The following TCF12 variants were observed in gnomAD, a reference collection of about 807,000 sequenced individuals.
TCF12 encodes the protein transcription factor 12.
TCF12 carries 45 observed loss-of-function variants against 86.0 expected under a neutral mutation model. The observed-to-expected ratio is 0.52, with a 90% CI of 0.41 to 0.67. The LOEUF (loss-of-function observed/expected upper bound fraction) is 0.67, where lower values mean the gene tolerates loss of function less well. TCF12 is among the 30% of genes least tolerant of loss of function. The probability of loss-of-function intolerance (pLI) is 0.00; values close to 1 mark genes in which losing one functional copy is unlikely to be tolerated. For synonymous variants in TCF12, 330 were observed against 299.6 expected, an observed-to-expected ratio of 1.10 and a Z score of -1.05; for missense variants, 881 against 859.9, an observed-to-expected ratio of 1.02 and a Z score of -0.31.
At chr15:56,984,828 T>A (rs1397507308) in intron 3 of TCF12, among the ~76,000 whole-genome samples, 1 of 152,188 alleles carries the variant, frequency 6.6e-6, no homozygotes, top group African/African-American at 2.4e-5. Flanking sequence ...CACCCTACCA[T>A]TATGAAAAGT....
chr15:57,165,186 T>G (rs2054797182), intron 5 of TCF12, among the ~76,000 whole-genome samples: 1 of 151,776 alleles, frequency 6.6e-6, no homozygotes, highest in African/African-American at 2.4e-5. Flanking sequence ...TGTGCAAGGA[T>G]ATTTGTTTCA....
intron 8 of TCF12, among the ~76,000 whole-genome samples, chr15:57,215,804 T>C (rs1178831371): frequency 6.6e-6 from 1 of 152,168 alleles, no homozygotes; most frequent in African/African-American, 2.4e-5. Context: ...ATAACTGTTG[T>C]AGTGATCCAA....
At chr15:57,165,947 A>C (rs1289223437) in intron 5 of TCF12, among the ~76,000 whole-genome samples, 2 of 152,148 alleles carry the variant, frequency 1.3e-5, no homozygotes, top group African/African-American at 4.8e-5. Flanking sequence ...TGGCTATATA[A>C]ATGTCTTTCA....
rs529604861 is a variant in TCF12, at chr15:57,179,796, C to G, written c.391-12362C>G. 1.3e-3 allele frequency among the ~76,000 whole-genome samples: 191 copies of G among 152,018 alleles called. 1 individual carries two copies. The highest frequency in any genetic ancestry group is 4.3e-3 in the African/African-American group (179 of 41,456). On this transcript the variant is annotated intron_variant, in intron 6 of 20. Coordinates refer to ENST00000333725, the MANE Select transcript of TCF12 (RefSeq NM_207037.2). The stretch of plus-strand genomic sequence containing the variant: ...TTTCACTTTGTTTTTCTGTTTCCCC[C>G]CTTCTTCCTCCCCCAAATTAATATA...
rs909982445 is a variant in TCF12 at position 57,098,023 on chromosome 15, A to C, written c.325+6132A>C. Among the ~76,000 whole-genome samples, 41 of 149,586 alleles carry C rather than the reference A, an allele frequency of 2.7e-4. 1 individual carries two copies. Among genetic ancestry groups the C allele is most frequent in the African/African-American group, 5.1e-4 (21 of 41,090 alleles). On this transcript the variant is annotated intron_variant, in intron 5 of 20. Coordinates refer to ENST00000333725, the MANE Select transcript of TCF12 (RefSeq NM_207037.2). ...ATACAAAAATACAAAAAAAAAAAAA[A>C]AAAAAAAAAAAACCAGTCAGGCATG...
chr15:57,245,493 C>T (rs1004274893), intron 13 of TCF12, among the ~76,000 whole-genome samples: 28 of 152,140 alleles, frequency 1.8e-4, no homozygotes, highest in African/African-American at 6.3e-4. Flanking sequence ...CTTTCTCATC[C>T]GAGGTTTCCA....
At chr15:56,947,668 A>C (rs1416961741) in intron 3 of TCF12, among the ~76,000 whole-genome samples, 1 of 152,156 alleles carries the variant, frequency 6.6e-6, no homozygotes, top group Non-Finnish European at 1.5e-5. Flanking sequence ...TAGAAGGTTT[A>C]TCTAGTCCCA....
intron 5 of TCF12, among the ~76,000 whole-genome samples, chr15:57,151,352 T>C (rs2053744372): frequency 9.6e-6 from 1 of 103,674 alleles, no homozygotes; most frequent in African/African-American, 3.4e-5. Context: ...TGATATTAAC[T>C]GCAGCTTATT....
chr15:56,993,163 CAG>C (rs1330817463), intron 3 of TCF12, among the ~76,000 whole-genome samples: 6 of 151,978 alleles, frequency 3.9e-5, no homozygotes, highest in Non-Finnish European at 8.8e-5. Context: ...CAATCTGAAA[CAG>C]AAAGCTCTAA....
intron 20 of TCF12, among the ~76,000 whole-genome samples, chr15:57,284,802 C>T (rs547102181): frequency 6.6e-6 from 1 of 152,222 alleles, no homozygotes; most frequent in Non-Finnish European, 1.5e-5. Context: ...ATTCTCATCT[C>T]GTTTCCTTCT....
At chr15:57,184,902 T>C (rs2056576283) in intron 6 of TCF12, among the ~76,000 whole-genome samples, 1 of 152,154 alleles carries the variant, frequency 6.6e-6, no homozygotes, top group Non-Finnish European at 1.5e-5. Flanking sequence ...AATACATATA[T>C]GCCTATTGTT....
At chr15:57,150,566 G>C (rs1479479736) in intron 5 of TCF12, among the ~76,000 whole-genome samples, 1 of 151,884 alleles carries the variant, frequency 6.6e-6, no homozygotes, top group Non-Finnish European at 1.5e-5. Context: ...GCAAAATCTA[G>C]CACCCAAAAA....
At chr15:56,937,741 G>T (rs1294550925) in intron 3 of TCF12, among the ~76,000 whole-genome samples, 1 of 151,896 alleles carries the variant, frequency 6.6e-6, no homozygotes, top group African/African-American at 2.4e-5. Flanking sequence ...TTTTGCTGAG[G>T]ATTTTAATCA....
intron 14 of TCF12, 21 bp from the exon 15 acceptor site, chr15:57,252,400 G>C (rs1309349644): frequency 6.2e-7 from 1 of 1,608,914 alleles, no homozygotes; most frequent in African/African-American, 1.3e-5. Flanking sequence ...TTTGCCTCCT[G>C]TTCTGTCTTG....
chr15:56,958,413 A>G (rs2061587563), intron 3 of TCF12, among the ~76,000 whole-genome samples: 1 of 152,158 alleles, frequency 6.6e-6, no homozygotes, highest in Non-Finnish European at 1.5e-5. Context: ...CTTTTTTCAC[A>G]TGAAGTGTAA....
At chr15:57,274,150 T>G (rs16977359) in intron 19 of TCF12, among the ~76,000 whole-genome samples, 2,009 of 152,264 alleles carry the variant, frequency 0.013, 48 homozygotes, top group African/African-American at 0.047. Flanking sequence ...AGAGCAATTC[T>G]TTCGATTTTG....
At chr15:57,089,285 C>T (rs1388898822) in intron 4 of TCF12, among the ~76,000 whole-genome samples, 2 of 152,142 alleles carry the variant, frequency 1.3e-5, no homozygotes, top group Non-Finnish European at 2.9e-5. Flanking sequence ...TTGTGCCTTA[C>T]TGATACTTGA....
chr15:57,050,909 C>CT (rs542300447), intron 3 of TCF12, among the ~76,000 whole-genome samples: 1 of 152,174 alleles, frequency 6.6e-6, no homozygotes, highest in Non-Finnish European at 1.5e-5. Flanking sequence ...TTCATTTTGA[C>CT]TGTCTTTTTC....
At chr15:57,162,568 C>A (rs1033631233) in intron 5 of TCF12, among the ~76,000 whole-genome samples, 4 of 152,112 alleles carry the variant, frequency 2.6e-5, no homozygotes, top group African/African-American at 7.2e-5. Context: ...TATCAACTTT[C>A]ATTTCAGAAG....
Sources: gnomAD v4.1 joint callset for allele counts (sites outside exome capture counted in the v4.1 genomes callset) on GRCh38, gnomAD v4.1.1 for gene constraint, MANE v1.5 for transcripts, NCBI Gene and HGNC (gene_info 2026-07-23, HGNC 2026-07-21) for gene names.